NPR3: variants seen among roughly 807,000 people sequenced by gnomAD.
The protein encoded by NPR3 is atrial natriuretic peptide receptor 3.
A neutral mutation model predicts 54.5 loss-of-function variants in NPR3; 34 were observed. The ratio of observed to expected loss-of-function variants is 0.62; its 90% CI spans 0.47 to 0.83. The LOEUF (loss-of-function observed/expected upper bound fraction) is 0.83. Ranked by LOEUF, NPR3 falls within the 40% of genes least tolerant of loss-of-function variation. NPR3 has a pLI of 0.00. For missense variants in NPR3, 674 were observed against 720.8 expected (o/e 0.94, Z 0.74); for synonymous variants, 289 against 297.1 (o/e 0.97, Z 0.28).
intron 3 of NPR3, among the ~76,000 whole-genome samples, chr5:32,740,538 T>C (rs1302528231): frequency 1.3e-5 from 2 of 151,948 alleles, no homozygotes; most frequent in Non-Finnish European, 2.9e-5. Context: ...CTGGTAGTTA[T>C]ACAATGTGAC....
chr5:32,743,134 A>C lies in NPR3; in HGVS notation c.1059+4104A>C, dbSNP rs116738938. Among the ~76,000 whole-genome samples, 1,279 of 152,216 alleles carry C rather than the reference A, an allele frequency of 8.4e-3. 14 individuals carry two copies. Among genetic ancestry groups the C allele is most frequent in the African/African-American group, 0.03 (1,232 of 41,534 alleles). ...TACCAAATTTTGATGGATTAATGCC[A>C]TTTTGTTTTGGTAAAATTGATCTCT... On this transcript the variant is annotated intron_variant, in intron 3 of 7. Transcript: ENST00000265074.
intron 2 of NPR3, among the ~76,000 whole-genome samples, chr5:32,737,764 T>C (rs1356720231): frequency 1.3e-5 from 2 of 152,164 alleles, no homozygotes; most frequent in Admixed American, 1.3e-4. Context: ...TTTTTTGCTT[T>C]TGTAAAAGAG....
intron 5 of NPR3, 150 bp downstream of exon 5, chr5:32,780,966 G>A: frequency 5.1e-6 from 3 of 587,338 alleles, no homozygotes; most frequent in Non-Finnish European, 9.1e-6. Context: ...GAGGGTTCAA[G>A]GAAGACTTCA....
chr5:32,701,608 C>G (rs372484748), intron 1 of NPR3, among the ~76,000 whole-genome samples: 17 of 152,264 alleles, frequency 1.1e-4, no homozygotes, highest in African/African-American at 3.9e-4. Flanking sequence ...AGTTAGGCAT[C>G]TATTGTAGTC....
chr5:32,732,147 A>C (rs1739490562), intron 2 of NPR3, among the ~76,000 whole-genome samples: 1 of 146,350 alleles, frequency 6.8e-6, no homozygotes, highest in South Asian at 2.3e-4. Context: ...AGGCTGAGGC[A>C]GGAGAATGGC....
chr5:32,761,565 T>A (rs1317772041), intron 3 of NPR3, among the ~76,000 whole-genome samples: 1 of 152,056 alleles, frequency 6.6e-6, no homozygotes, highest in East Asian at 1.9e-4. Context: ...TTCTTCAAGA[T>A]CACGGACTCT....
intron 1 of NPR3, among the ~76,000 whole-genome samples, chr5:32,715,087 C>T (rs1738478172): frequency 6.6e-6 from 1 of 152,164 alleles, no homozygotes; most frequent in African/African-American, 2.4e-5. Context: ...ATCACCTTTA[C>T]CCCAAGGGTG....
chr5:32,760,649 G>A (rs79285094), intron 3 of NPR3, among the ~76,000 whole-genome samples: 4,936 of 149,212 alleles, frequency 0.033, 93 homozygotes, highest in Middle Eastern at 0.097. Flanking sequence ...TTTTAACTGC[G>A]CTTTTTGATG....
chr5:32,727,403 T>TACA (rs1181327726), intron 2 of NPR3, among the ~76,000 whole-genome samples: 4 of 152,208 alleles, frequency 2.6e-5, no homozygotes, highest in Non-Finnish European at 5.9e-5. Context: ...CCAAAGGGAC[T>TACA]ACAAGCATGA....
chr5:32,776,629 G>T (rs1051616287), intron 4 of NPR3, among the ~76,000 whole-genome samples: 4 of 152,124 alleles, frequency 2.6e-5, no homozygotes, highest in Non-Finnish European at 5.9e-5. Context: ...CACTGCAGGA[G>T]CCTTGCAGAT....
At chr5:32,765,676 G>A (rs1415480694) in intron 3 of NPR3, among the ~76,000 whole-genome samples, 1 of 152,212 alleles carries the variant, frequency 6.6e-6, no homozygotes, top group Non-Finnish European at 1.5e-5. Context: ...TTCACTGAGT[G>A]CAGTTATGGA....
At chr5:32,780,352 A>G (rs182579543) in intron 4 of NPR3, among the ~76,000 whole-genome samples, 1 of 152,328 alleles carries the variant, frequency 6.6e-6, no homozygotes, top group African/African-American at 2.4e-5. Context: ...CAAACCCATG[A>G]CAAATCTATA....
chr5:32,758,517 T>C (rs1197002607), intron 3 of NPR3, among the ~76,000 whole-genome samples: 2 of 152,166 alleles, frequency 1.3e-5, no homozygotes, highest in African/African-American at 4.8e-5. Context: ...GTCTTGCTAG[T>C]GGTCTATCAA....
At chr5:32,693,048 G>A (rs1190629765) in intron 1 of NPR3, among the ~76,000 whole-genome samples, 1 of 152,110 alleles carries the variant, frequency 6.6e-6, no homozygotes, top group Non-Finnish European at 1.5e-5. Context: ...CTTGATCCTG[G>A]GAGGTTGAGG....
At chr5:32,762,021 T>C (rs1050957442) in intron 3 of NPR3, among the ~76,000 whole-genome samples, 2 of 152,156 alleles carry the variant, frequency 1.3e-5, no homozygotes, top group Non-Finnish European at 2.9e-5. Flanking sequence ...CAACTCCCAC[T>C]TATGAGTGAG....
At chr5:32,767,006 C>T (rs1741505968) in intron 3 of NPR3, among the ~76,000 whole-genome samples, 1 of 152,196 alleles carries the variant, frequency 6.6e-6, no homozygotes, top group Non-Finnish European at 1.5e-5. Context: ...CATTCCCTCT[C>T]CAGGTGCAGT....
At chr5:32,782,152 G>T (rs958521836) in intron 5 of NPR3, among the ~76,000 whole-genome samples, 6 of 152,130 alleles carry the variant, frequency 3.9e-5, no homozygotes, top group Non-Finnish European at 7.4e-5. Context: ...ACAGAATTCT[G>T]CCTGGAAATG....
intron 3 of NPR3, among the ~76,000 whole-genome samples, chr5:32,769,579 C>A (rs1432771318): frequency 6.6e-6 from 1 of 152,242 alleles, no homozygotes; most frequent in Non-Finnish European, 1.5e-5. Context: ...TGCTGCCTGG[C>A]ACCCTTAGTT....
At chr5:32,726,581 T>C (rs1739147907) in intron 2 of NPR3, among the ~76,000 whole-genome samples, 1 of 152,304 alleles carries the variant, frequency 6.6e-6, no homozygotes, top group South Asian at 2.1e-4. Flanking sequence ...GTTTTGCAAG[T>C]TGGCAACTAC....
Sources: allele counts gnomAD v4.1 joint callset (sites outside exome capture counted in the v4.1 genomes callset), GRCh38; gene constraint gnomAD v4.1.1; transcripts MANE v1.5; gene names NCBI Gene and HGNC (gene_info 2026-07-23, HGNC 2026-07-21).